SIPA1L2: variants seen among roughly 807,000 people sequenced by gnomAD.
SIPA1L2 encodes signal-induced proliferation-associated 1-like protein 2.
A neutral mutation model predicts 163.9 loss-of-function variants in SIPA1L2; 56 were observed. The observed-to-expected ratio is 0.34, with a 90% confidence interval of 0.28 to 0.43. SIPA1L2 has a LOEUF of 0.43. Ranked by LOEUF, SIPA1L2 falls within the 20% of genes least tolerant of loss-of-function variation. The pLI is 1.00. For missense variants in SIPA1L2, 1,974 were observed against 2,193.5 expected, an observed-to-expected ratio of 0.90 and a Z score of 2.00; for synonymous variants, 877 against 865.7, an observed-to-expected ratio of 1.01 and a Z score of -0.23.
At position 232,484,089 on chromosome 1, in the gene SIPA1L2, G is replaced by A. The variant is rs894820079; in HGVS notation, c.1807-123C>T. 1.6e-5 allele frequency: 14 copies of A among 880,170 alleles called. No homozygotes were observed. The African/African-American group carries it at 2.0e-4, about 13-fold the overall frequency. 54.5% of individuals were successfully genotyped at this position (880,170 alleles called of 1,614,324 possible). The stretch of plus-strand genomic sequence containing the variant: ...AAGCATGCCAGAACAATTCCCATAA[G>A]TGAATAAGCAAAAGAGTAGGCAACT... On this transcript the variant is annotated intron_variant, in intron 5 of 22. Transcript: ENST00000674635.
At position 232,432,239 on chromosome 1, in the gene SIPA1L2, C is replaced by T. The variant is rs1282575807; in HGVS notation, c.4256+8G>A. 6.2e-7 allele frequency: 1 copy of T among 1,612,128 alleles called. No individual in the cohort carries two copies. The highest frequency in any genetic ancestry group is 1.7e-5 in the Admixed American group (1 of 59,894). ...TGCTGACCAGAGAAGAACAGCCAGC[C>T]ACCTTACCCGGGACATTCAGTCACT... On this transcript the variant is annotated splice_region_variant and intron_variant, in intron 16 of 22. Transcript: ENST00000674635.
intron 10 of SIPA1L2, among the ~76,000 whole-genome samples, chr1:232,459,405 G>T (rs951376489): frequency 6.6e-6 from 1 of 152,180 alleles, no homozygotes; most frequent in South Asian, 2.1e-4. Context: ...GAGAGAGTAT[G>T]ACCTAGGTTA....
chr1:232,547,988 C>T (rs1658143130), intron 2 of SIPA1L2, among the ~76,000 whole-genome samples: 1 of 152,344 alleles, frequency 6.6e-6, no homozygotes, highest in African/African-American at 2.4e-5. Context: ...ACAGCACACA[C>T]TGTGGCCTGA....
chr1:232,592,874 T>C (rs1267395150), intron 1 of SIPA1L2, among the ~76,000 whole-genome samples: 1 of 151,956 alleles, frequency 6.6e-6, no homozygotes, highest in Non-Finnish European at 1.5e-5. Context: ...CATAGTCTTC[T>C]GCTGTACGAC....
At chr1:232,412,945 T>C (rs1661044640) in intron 19 of SIPA1L2, among the ~76,000 whole-genome samples, 1 of 152,234 alleles carries the variant, frequency 6.6e-6, no homozygotes, top group South Asian at 2.1e-4. Context: ...TCTTCTCCTT[T>C]GGCAAATAGA....
intron 3 of SIPA1L2, among the ~76,000 whole-genome samples, chr1:232,501,054 T>TA (rs1666450045): frequency 9.5e-6 from 1 of 105,134 alleles, no homozygotes; most frequent in Non-Finnish European, 1.9e-5. Context: ...TGAAGTATTT[T>TA]TTTTTTTTTT....
At chr1:232,424,319 TAACAAAAAAAAA>T (rs1441173738) in intron 18 of SIPA1L2, among the ~76,000 whole-genome samples, 794 of 8,364 alleles carry the variant, frequency 0.095, 6 homozygotes, top group African/African-American at 0.24. Context: ...TAAGTGAAGC[TAACAAAAAAAAA>T]AAAAAAAAAA....
chr1:232,488,348 T>C (rs981518689), intron 5 of SIPA1L2, among the ~76,000 whole-genome samples: 2 of 152,132 alleles, frequency 1.3e-5, no homozygotes, highest in East Asian at 1.9e-4. Context: ...GATTTACTAT[T>C]AGGAAAATGA....
chr1:232,571,607 G>GTGA (rs1234543997), intron 2 of SIPA1L2, among the ~76,000 whole-genome samples: 5 of 152,228 alleles, frequency 3.3e-5, no homozygotes, highest in Non-Finnish European at 1.5e-5. Flanking sequence ...ATGTTGAAAT[G>GTGA]TGATCCCAGG....
intron 3 of SIPA1L2, among the ~76,000 whole-genome samples, chr1:232,498,753 C>T (rs1666322937): frequency 6.6e-6 from 1 of 152,154 alleles, no homozygotes; most frequent in Admixed American, 6.5e-5. Flanking sequence ...TATAAGGACA[C>T]CTGTGATTGC....
intron 1 of SIPA1L2, among the ~76,000 whole-genome samples, chr1:232,591,530 G>A (rs1388460310): frequency 6.6e-6 from 1 of 152,246 alleles, no homozygotes; most frequent in African/African-American, 2.4e-5. Flanking sequence ...GGGAGGATGA[G>A]GTTTAACCTT....
At chr1:232,536,182 C>G (rs1424339118) in intron 2 of SIPA1L2, among the ~76,000 whole-genome samples, 1 of 152,244 alleles carries the variant, frequency 6.6e-6, no homozygotes, top group Non-Finnish European at 1.5e-5. Flanking sequence ...TCTATGTTAT[C>G]TAAAAGTCAG....
At chr1:232,461,916 T>G (rs1018581920) in intron 9 of SIPA1L2, among the ~76,000 whole-genome samples, 4 of 152,148 alleles carry the variant, frequency 2.6e-5, no homozygotes, top group African/African-American at 9.7e-5. Context: ...CCAGCCAGAC[T>G]CCTTGGCCAT....
intron 3 of SIPA1L2, among the ~76,000 whole-genome samples, chr1:232,501,031 C>T (rs1457508321): frequency 7.2e-6 from 1 of 139,226 alleles, no homozygotes; most frequent in Non-Finnish European, 1.6e-5. Flanking sequence ...TGATTGTTAG[C>T]ACTTTTTAGC....
At chr1:232,415,365 A>G (rs1661184960) in intron 19 of SIPA1L2, 129 bp downstream of exon 19, 1 of 1,198,984 alleles carries the variant, frequency 8.3e-7, no homozygotes, top group South Asian at 1.9e-5. Flanking sequence ...TCATCATCCA[A>G]CAAGGCAAAA....
At chr1:232,487,955 C>T (rs958379961) in intron 5 of SIPA1L2, among the ~76,000 whole-genome samples, 2 of 145,702 alleles carry the variant, frequency 1.4e-5, no homozygotes, top group East Asian at 2.2e-4. Flanking sequence ...CACACACACA[C>T]GCACACATAT....
intron 4 of SIPA1L2, among the ~76,000 whole-genome samples, chr1:232,492,128 T>C (rs1195539647): frequency 1.3e-5 from 2 of 152,128 alleles, no homozygotes; most frequent in Non-Finnish European, 2.9e-5. Context: ...ATACCTAGAA[T>C]AGAGCCTAGG....
intron 19 of SIPA1L2, 76 bp from the exon 20 acceptor site, chr1:232,404,254 GC>G: frequency 7.2e-7 from 1 of 1,384,976 alleles, no homozygotes; most frequent in Non-Finnish European, 1.0e-6. Flanking sequence ...CCCACAAAAT[GC>G]GGCTGTGTGA....
In SIPA1L2 at chr1:232,463,084, TTAG is replaced by T. The variant is rs559631807; in HGVS notation, c.2820+1753_2820+1755del. On this transcript the variant is annotated intron_variant, in intron 9 of 22. Coordinates refer to ENST00000674635, the MANE Select transcript of SIPA1L2 (RefSeq NM_020808.5). ...AAATGCGAGGCTCCTTATGAAAAAA[TTAG>T]TAAGTATTTCAAGATGGCAATGGCA... Among the ~76,000 whole-genome samples the T allele has an allele frequency of 6.6e-5, 10 of 152,180 alleles. No homozygotes were observed. In the South Asian group the frequency reaches 2.1e-3, roughly 32 times the overall value.
Sources: gnomAD v4.1 joint callset for allele counts (sites outside exome capture counted in the v4.1 genomes callset) on GRCh38, gnomAD v4.1.1 for gene constraint, MANE v1.5 for transcripts, NCBI Gene and HGNC (gene_info 2026-07-23, HGNC 2026-07-21) for gene names.